The following ATRNL1 variants were observed in gnomAD, a reference collection of about 807,000 sequenced individuals.
ATRNL1 encodes attractin like 1, also known as attractin-like protein 1.
Under a neutral mutation model 182.7 loss-of-function variants are expected in ATRNL1, and 95 were observed. That is an observed-to-expected ratio of 0.52 (90% CI 0.44 to 0.62). ATRNL1 has a LOEUF of 0.62. Among genes scored for constraint, ATRNL1 ranks in the 20% least tolerant of loss-of-function variants. The pLI is 0.00. For synonymous variants in ATRNL1, 576 were observed against 568.3 expected (o/e 1.01, Z -0.19); for missense variants, 1,471 against 1,679.5 (o/e 0.88, Z 2.17).
rs141092943 is a variant in ATRNL1 at position 115,743,992 on chromosome 10, C to T, written c.3903+16637C>T. 0.011 allele frequency among the ~76,000 whole-genome samples: 199 copies of T among 17,530 alleles called. 8 individuals carry two copies. The Admixed American group carries it at 0.16, about 14-fold the overall frequency. 11.5% of individuals were successfully genotyped at this position (17,530 alleles called of 152,430 possible). On this transcript the variant is annotated intron_variant, in intron 27 of 28. Coordinates refer to ENST00000355044, the MANE Select transcript of ATRNL1 (RefSeq NM_207303.4). ...GAGTAAATATAAATGAATATGTATT[C>T]AACATGAATAAATGTGAGTAAATAT... is the stretch of plus-strand genomic sequence containing the variant.
intron 28 of ATRNL1, among the ~76,000 whole-genome samples, chr10:115,937,225 G>A (rs1555123064): frequency 6.6e-6 from 1 of 152,186 alleles, no homozygotes. Flanking sequence ...CTTGAGCAGT[G>A]TGTCTCTAAA....
intron 25 of ATRNL1, among the ~76,000 whole-genome samples, chr10:115,535,230 C>T (rs539694924): frequency 9.2e-5 from 14 of 152,186 alleles, no homozygotes; most frequent in Non-Finnish European, 1.9e-4. Flanking sequence ...TTCTCCCCGT[C>T]ACTTTCAGGT....
At chr10:115,476,820 T>C (rs1023273955) in intron 24 of ATRNL1, among the ~76,000 whole-genome samples, 10 of 151,434 alleles carry the variant, frequency 6.6e-5, no homozygotes, top group East Asian at 5.8e-4. Flanking sequence ...CCTCCCCTTA[T>C]ACCTAACTAC....
rs782449331 is a variant in ATRNL1, at chr10:115,643,700, A to G, written c.3796-83548A>G. Among the ~76,000 whole-genome samples, 118 of 152,194 alleles carry G rather than the reference A, an allele frequency of 7.8e-4. 1 individual carries two copies. Among genetic ancestry groups the G allele is most frequent in the Admixed American group, 2.7e-3 (41 of 15,262 alleles). ...TAAGAATATGATGATACTCAATATC[A>G]TTAGTCTTAGACAAATACAAATTAA... On this transcript the variant is annotated intron_variant, in intron 26 of 28. Transcript: ENST00000355044.
At chr10:115,579,456 C>T (rs1854935462) in intron 26 of ATRNL1, among the ~76,000 whole-genome samples, 4 of 151,740 alleles carry the variant, frequency 2.6e-5, no homozygotes, top group Admixed American at 2.0e-4. Context: ...ATTATATTGA[C>T]TTTCTGTGAT....
intron 19 of ATRNL1, among the ~76,000 whole-genome samples, chr10:115,369,507 A>T (rs568494551): frequency 1.2e-3 from 181 of 152,264 alleles, no homozygotes; most frequent in African/African-American, 4.1e-3. Flanking sequence ...TATCTTTGCT[A>T]GTGTGAATAC....
At chr10:115,800,883 T>C (rs2134234708) in intron 27 of ATRNL1, among the ~76,000 whole-genome samples, 1 of 152,198 alleles carries the variant, frequency 6.6e-6, no homozygotes, top group South Asian at 2.1e-4. Context: ...AAGAAATAAA[T>C]GTCTGTTGGT....
At chr10:115,568,863 C>T (rs1255101255) in intron 26 of ATRNL1, among the ~76,000 whole-genome samples, 2 of 152,032 alleles carry the variant, frequency 1.3e-5, no homozygotes, top group Non-Finnish European at 2.9e-5. Context: ...TGTTTATTAT[C>T]TATCCTTCCA....
intron 26 of ATRNL1, among the ~76,000 whole-genome samples, chr10:115,559,412 GTT>G (rs1853529373): frequency 7.9e-6 from 1 of 127,374 alleles, no homozygotes; most frequent in Non-Finnish European, 1.6e-5. Context: ...CATTCTTGGT[GTT>G]TGTGTGTGTG....
At chr10:115,880,476 A>G (rs1951802234) in intron 28 of ATRNL1, among the ~76,000 whole-genome samples, 3 of 152,154 alleles carry the variant, frequency 2.0e-5, no homozygotes, top group African/African-American at 7.2e-5. Flanking sequence ...AAAATTTTAA[A>G]AATTAGCCAG....
At chr10:115,475,966 G>C (rs1275121891) in intron 24 of ATRNL1, among the ~76,000 whole-genome samples, 5 of 151,240 alleles carry the variant, frequency 3.3e-5, no homozygotes, top group Non-Finnish European at 7.4e-5. Flanking sequence ...AAAATATTTA[G>C]TTTAATTCAC....
chr10:115,684,154 G>T (rs1946142595), intron 26 of ATRNL1, among the ~76,000 whole-genome samples: 1 of 151,282 alleles, frequency 6.6e-6, no homozygotes, highest in Admixed American at 6.6e-5. Context: ...GGTAATTTCT[G>T]TACAATTTAT....
chr10:115,264,367 T>C (rs536295182), intron 10 of ATRNL1, among the ~76,000 whole-genome samples: 1 of 151,594 alleles, frequency 6.6e-6, no homozygotes. Context: ...CATAAAGGCT[T>C]TTACCTAAAC....
At chr10:115,293,852 A>G (rs890956443) in intron 15 of ATRNL1, among the ~76,000 whole-genome samples, 12 of 152,076 alleles carry the variant, frequency 7.9e-5, no homozygotes, top group African/African-American at 2.7e-4. Flanking sequence ...GGATTTTCCT[A>G]TATCTGACTT....
At chr10:115,388,573 T>C (rs1843793075) in intron 19 of ATRNL1, among the ~76,000 whole-genome samples, 1 of 151,974 alleles carries the variant, frequency 6.6e-6, no homozygotes, top group South Asian at 2.1e-4. Flanking sequence ...TTGTGCTTTA[T>C]GAGACAAAAT....
At chr10:115,515,102 A>G (rs1425007600) in intron 24 of ATRNL1, among the ~76,000 whole-genome samples, 1 of 151,764 alleles carries the variant, frequency 6.6e-6, no homozygotes, top group Non-Finnish European at 1.5e-5. Flanking sequence ...GCAACTCTAC[A>G]CTTCTGTTTT....
chr10:115,439,078 A>G (rs1448015686), intron 21 of ATRNL1, among the ~76,000 whole-genome samples: 1 of 152,000 alleles, frequency 6.6e-6, no homozygotes, highest in African/African-American at 2.4e-5. Flanking sequence ...GCTAGAGAAA[A>G]GAAAATGTAT....
intron 19 of ATRNL1, among the ~76,000 whole-genome samples, chr10:115,342,344 G>A (rs1361706372): frequency 1.4e-5 from 2 of 147,622 alleles, no homozygotes; most frequent in African/African-American, 5.0e-5. Flanking sequence ...TATTTTTTGT[G>A]TATCCATTGT....
intron 26 of ATRNL1, among the ~76,000 whole-genome samples, chr10:115,553,171 C>T (rs141674261): frequency 2.0e-3 from 297 of 151,196 alleles, no homozygotes; most frequent in African/African-American, 6.8e-3. Flanking sequence ...ATTTGGCTAT[C>T]GTGTGAAAAT....
Sources: allele counts gnomAD v4.1 joint callset (sites outside exome capture counted in the v4.1 genomes callset), GRCh38; gene constraint gnomAD v4.1.1; transcripts MANE v1.5; gene names NCBI Gene and HGNC (gene_info 2026-07-23, HGNC 2026-07-21).